Variants in HNF4G observed in about 807,000 individuals in gnomAD.
The protein encoded by HNF4G is hepatocyte nuclear factor 4-gamma.
Under a neutral mutation model 50.9 loss-of-function variants are expected in HNF4G, and 21 were observed. That is an observed-to-expected ratio of 0.41 (90% CI 0.29 to 0.59). HNF4G has a LOEUF of 0.59. Among genes scored for constraint, HNF4G ranks in the 20% least tolerant of loss-of-function variants. The probability of loss-of-function intolerance (pLI) is 0.26; values close to 1 mark genes in which losing one functional copy is unlikely to be tolerated. For synonymous variants in HNF4G, 198 were observed against 185.6 expected, an observed-to-expected ratio of 1.07 and a Z score of -0.54; for missense variants, 527 against 559.4, an observed-to-expected ratio of 0.94 and a Z score of 0.58.
chr8:75,438,876 G>C (rs538253234), intron 1 of HNF4G, among the ~76,000 whole-genome samples: 108 of 151,950 alleles, frequency 7.1e-4, no homozygotes, highest in Middle Eastern at 3.4e-3. Flanking sequence ...TTCACGAGTA[G>C]GGTAAATATA....
At chr8:75,542,348 T>C (rs1038596947) in intron 1 of HNF4G, among the ~76,000 whole-genome samples, 3 of 151,974 alleles carry the variant, frequency 2.0e-5, no homozygotes, top group African/African-American at 7.3e-5. Context: ...GTCTAGGTTC[T>C]ACTTGAAGGA....
At chr8:75,540,134 G>T in intron 1 of HNF4G, 54 bp downstream of exon 1, 2 of 1,040,672 alleles carry the variant, frequency 1.9e-6, no homozygotes, top group African/African-American at 1.6e-5. Context: ...ATTGGAGAAG[G>T]TGGAAGACTG....
chr8:75,417,150 G>A (rs1435034151), intron 1 of HNF4G, among the ~76,000 whole-genome samples: 2 of 151,432 alleles, frequency 1.3e-5, no homozygotes, highest in African/African-American at 4.9e-5. Context: ...CACACACGCT[G>A]CTGTGACTAG....
At chr8:75,513,339 C>T (rs1000490238) in intron 2 of HNF4G, among the ~76,000 whole-genome samples, 1 of 152,032 alleles carries the variant, frequency 6.6e-6, no homozygotes, top group Non-Finnish European at 1.5e-5. Flanking sequence ...CACCTGGCCA[C>T]GTTTTTAAAA....
chr8:75,535,060 A>T (rs1254736844), upstream of HNF4G, among the ~76,000 whole-genome samples: 1 of 151,852 alleles, frequency 6.6e-6, no homozygotes, highest in African/African-American at 2.4e-5. Context: ...CAAAGGAAAG[A>T]GATAAGAAAA....
chr8:75,423,228 C>T (rs1260452213), intron 1 of HNF4G, among the ~76,000 whole-genome samples: 1 of 152,000 alleles, frequency 6.6e-6, no homozygotes, highest in East Asian at 1.9e-4. Context: ...AGTCATTCAC[C>T]TTATCTGAAA....
intron 1 of HNF4G, among the ~76,000 whole-genome samples, chr8:75,466,327 G>A (rs1251518046): frequency 1.3e-5 from 2 of 151,814 alleles, no homozygotes; most frequent in African/African-American, 4.8e-5. Context: ...AATTACCAAT[G>A]TCTTTTTTAC....
intron 9 of HNF4G, 55 bp downstream of exon 9, chr8:75,560,521 G>C: frequency 6.5e-7 from 1 of 1,543,748 alleles, no homozygotes; most frequent in Non-Finnish European, 8.8e-7. Flanking sequence ...CCAAGAAAAA[G>C]TGGAATTGTG....
intron 1 of HNF4G, among the ~76,000 whole-genome samples, chr8:75,429,564 A>G (rs1177978733): frequency 1.3e-5 from 2 of 152,170 alleles, no homozygotes; most frequent in African/African-American, 4.8e-5. Flanking sequence ...GCTACTCACC[A>G]TGGTTAATTA....
intron 1 of HNF4G, among the ~76,000 whole-genome samples, chr8:75,451,132 T>C (rs1811575165): frequency 6.6e-6 from 1 of 152,010 alleles, no homozygotes; most frequent in Non-Finnish European, 1.5e-5. Flanking sequence ...GTGTATGCCT[T>C]TTTTTTTGAG....
At position 75,448,378 on chromosome 8, in the gene HNF4G, A is replaced by T. The variant is rs542718132; in HGVS notation, c.-144+40216A>T. On this transcript the variant is annotated intron_variant, in intron 1 of 10. Transcript: ENST00000354370. ...GCACCAGCATGGCACATGTATACAT[A>T]TGTAACTAACCTGCACAATGTGCAC... 2.0e-3 allele frequency among the ~76,000 whole-genome samples: 296 copies of T among 146,808 alleles called. 1 individual carries two copies. Among genetic ancestry groups the T allele is most frequent in the African/African-American group, 7.0e-3 (282 of 40,152 alleles).
chr8:75,416,730 C>T (rs377574384), intron 1 of HNF4G, among the ~76,000 whole-genome samples: 1 of 152,300 alleles, frequency 6.6e-6, no homozygotes, highest in African/African-American at 2.4e-5. Flanking sequence ...CTGCCATTTT[C>T]TCACAGATAA....
At chr8:75,535,561 A>T (rs984370436), upstream of HNF4G, among the ~76,000 whole-genome samples, 8 of 151,846 alleles carry the variant, frequency 5.3e-5, no homozygotes, top group African/African-American at 1.9e-4. Context: ...AGAATATGAA[A>T]ACAACAAGAA....
At chr8:75,499,244 A>C (rs1585897813) in intron 2 of HNF4G, among the ~76,000 whole-genome samples, 1 of 152,026 alleles carries the variant, frequency 6.6e-6, no homozygotes, top group East Asian at 1.9e-4. Context: ...AGCAAACAAC[A>C]GTCAGAAGGT....
intron 1 of HNF4G, among the ~76,000 whole-genome samples, chr8:75,486,768 T>C (rs1812506924): frequency 6.6e-6 from 1 of 151,914 alleles, no homozygotes; most frequent in Admixed American, 6.6e-5. Context: ...CTTCGGGAGG[T>C]TGAGCCGGGA....
rs773600813 is a variant in HNF4G, at chr8:75,564,017, G to T, written c.1289G>T (p.Gly430Val). ...CTCCCTTCCCCACCACAAGGCTCTG[G>T]GCAAGAACAGTACAAAATAGCTGCA... ...TPLPSPPQGS[G>V]QEQYKIAANQ... Residue 430 changes from glycine (G) to valine (V), a missense_variant, in exon 10 of 10, where the codon GGG becomes GTG. Physicochemically the swap from Gly to Val is moderately radical, Grantham distance 109. Coordinates refer to ENST00000396423, the MANE Select transcript of HNF4G (RefSeq NM_004133.5). The T allele has an allele frequency of 6.2e-7, 1 of 1,613,566 alleles. No individual in the cohort carries two copies. The highest frequency in any genetic ancestry group is 2.2e-5 in the East Asian group (1 of 44,848).
At chr8:75,441,934 C>T (rs904523330) in intron 1 of HNF4G, among the ~76,000 whole-genome samples, 6 of 152,074 alleles carry the variant, frequency 3.9e-5, no homozygotes, top group Non-Finnish European at 5.9e-5. Context: ...TGGATAAATG[C>T]ATTGTGGTAT....
intron 2 of HNF4G, among the ~76,000 whole-genome samples, chr8:75,501,232 G>C (rs1009482447): frequency 3.9e-5 from 6 of 152,022 alleles, no homozygotes; most frequent in Non-Finnish European, 8.8e-5. Context: ...TTGAGTCCAG[G>C]GGTTTGAGAC....
intron 1 of HNF4G, among the ~76,000 whole-genome samples, chr8:75,414,989 G>A (rs1563497120): frequency 6.6e-6 from 1 of 152,198 alleles, no homozygotes. Context: ...ATTCCCACCA[G>A]TAGGGCTTGA....
Sources: allele counts gnomAD v4.1 joint callset (sites outside exome capture counted in the v4.1 genomes callset), GRCh38; gene constraint gnomAD v4.1.1; transcripts MANE v1.5; gene names NCBI Gene and HGNC (gene_info 2026-07-23, HGNC 2026-07-21).